The following MTHFD1L variants were observed in gnomAD, a reference collection of about 807,000 sequenced individuals.
MTHFD1L encodes the protein methylenetetrahydrofolate dehydrogenase (NADP+ dependent) 1 like.
In MTHFD1L, 81 loss-of-function variants were observed where a neutral mutation model predicts 119.5. The ratio of observed to expected loss-of-function variants is 0.68; its 90% CI spans 0.57 to 0.82. The LOEUF is 0.82. Among genes scored for constraint, MTHFD1L ranks in the 40% least tolerant of loss-of-function variants. MTHFD1L has a pLI of 0.00. For synonymous variants in MTHFD1L, 430 were observed against 475.2 expected (o/e 0.90, Z 1.24); for missense variants, 1,125 against 1,253.4 (o/e 0.90, Z 1.55).
intron 7 of MTHFD1L, among the ~76,000 whole-genome samples, chr6:150,889,758 G>A (rs570077139): frequency 6.6e-6 from 1 of 152,318 alleles, no homozygotes; most frequent in East Asian, 1.9e-4. Flanking sequence ...CTGGAGCTAT[G>A]GGAATTCATA....
At chr6:150,908,188 A>G (rs1786263473) in intron 8 of MTHFD1L, among the ~76,000 whole-genome samples, 1 of 151,288 alleles carries the variant, frequency 6.6e-6, no homozygotes, top group Non-Finnish European at 1.5e-5. Flanking sequence ...GATTACGGGC[A>G]TGAGCCACTG....
intron 26 of MTHFD1L, among the ~76,000 whole-genome samples, chr6:151,056,999 T>C (rs1007822300): frequency 2.0e-5 from 3 of 152,156 alleles, no homozygotes. Context: ...TTTTGGGGTT[T>C]TTTGCTTTTT....
intron 4 of MTHFD1L, among the ~76,000 whole-genome samples, chr6:150,879,587 T>C: frequency 6.7e-6 from 1 of 149,962 alleles, no homozygotes; most frequent in Non-Finnish European, 1.5e-5. Context: ...TGCGCCCAGC[T>C]GGAATTTGCT....
intron 26 of MTHFD1L, chr6:151,042,125 A>G (rs1787226136): frequency 4.4e-6 from 1 of 226,160 alleles, no homozygotes; most frequent in African/African-American, 2.3e-5. Flanking sequence ...AGCCCCCAGC[A>G]CAAGCATTCC....
At chr6:151,085,026 TACAC>T (rs571996419) in intron 26 of MTHFD1L, among the ~76,000 whole-genome samples, 12,687 of 143,250 alleles carry the variant, frequency 0.089, 853 homozygotes, top group African/African-American at 0.18. Flanking sequence ...TATATGTATA[TACAC>T]ACACACACAC....
chr6:151,043,446 CAA>C (rs1270178824), intron 26 of MTHFD1L, among the ~76,000 whole-genome samples: 1 of 151,524 alleles, frequency 6.6e-6, no homozygotes, highest in African/African-American at 2.4e-5. Flanking sequence ...TTGTATTTTT[CAA>C]AGAGACTGGG....
chr6:151,048,127 T>C (rs530661316), intron 26 of MTHFD1L, among the ~76,000 whole-genome samples: 3 of 152,278 alleles, frequency 2.0e-5, no homozygotes, highest in Admixed American at 2.0e-4. Flanking sequence ...CTGAAGATCA[T>C]AATTCATCAT....
chr6:150,889,154 G>A lies in MTHFD1L; in HGVS notation c.780+1173G>A, dbSNP rs572344646. ...ATCGTGCCACTGCACTCCAGCCTGC[G>A]CGACAGAGTGAGACTCCGTCTCAAA... On this transcript the variant is annotated intron_variant, in intron 7 of 27. Transcript: ENST00000367321. Among the ~76,000 whole-genome samples the A allele has an allele frequency of 4.7e-5, 7 of 148,482 alleles. No homozygotes were observed. In the East Asian group the frequency reaches 1.2e-3, roughly 25 times the overall value.
chr6:150,875,964 G>T lies in MTHFD1L; in HGVS notation c.228-126G>T. 6.8e-6 allele frequency: 5 copies of T among 737,426 alleles called. 1 individual carries two copies. In the South Asian group the frequency reaches 8.2e-5, roughly 12 times the overall value. The allele number at this position is 737,426 out of a possible 1,614,324, so 45.7% of individuals were successfully genotyped here. On this transcript the variant is annotated intron_variant, in intron 1 of 27. Coordinates refer to ENST00000367321, the MANE Select transcript of MTHFD1L (RefSeq NM_015440.5). Reference sequence around the variant, plus strand: ...CTACCCCCTCCACAGTGTACACTTGGAGTGCGTCCTTCTGTGGTCTAGTTA... The same window carrying T: ...CTACCCCCTCCACAGTGTACACTTGTAGTGCGTCCTTCTGTGGTCTAGTTA...
chr6:150,877,806 C>G lies in MTHFD1L; in HGVS notation c.397C>G (p.Pro133Ala), dbSNP rs745453249. 6.2e-6 allele frequency: 10 copies of G among 1,614,120 alleles called. No homozygotes were observed. The highest frequency in any genetic ancestry group is 8.5e-6 in the Non-Finnish European group (10 of 1,180,054). ...GLNITHICLP[P>A]DSSEAEIIDE... is the part of the protein sequence containing the mutation. ...GAACATCACTCACATTTGCCTCCCT[C>G]CAGATAGCAGTGAAGCCGAGGTAAT... The change falls in exon 4 of 28, where the codon CCA (proline) becomes GCA (alanine). Residue 133 changes from proline to alanine, a missense_variant. Physicochemically the swap from Pro to Ala is conservative, Grantham distance 27. Transcript: ENST00000367321.
At chr6:150,955,891 C>G (rs893033680) in intron 16 of MTHFD1L, 104 bp from the exon 17 acceptor site, 6 of 944,158 alleles carry the variant, frequency 6.4e-6, no homozygotes, top group Non-Finnish European at 8.5e-6. Context: ...CTGACCTTTT[C>G]TCTTTCACCC....
intron 26 of MTHFD1L, among the ~76,000 whole-genome samples, chr6:151,043,329 A>T (rs1470597053): frequency 1.6e-5 from 2 of 125,034 alleles, no homozygotes; most frequent in Admixed American, 1.1e-4. Context: ...CAGTAGCATG[A>T]TCTCGGCTCA....
chr6:150,999,671 G>A (rs1480324921), intron 20 of MTHFD1L, among the ~76,000 whole-genome samples: 1 of 151,874 alleles, frequency 6.6e-6, no homozygotes, highest in Non-Finnish European at 1.5e-5. Flanking sequence ...AATATTCATC[G>A]AAACATTTCT....
intron 11 of MTHFD1L, among the ~76,000 whole-genome samples, chr6:150,928,598 C>A (rs1790455698): frequency 6.7e-6 from 1 of 149,784 alleles, no homozygotes; most frequent in East Asian, 2.0e-4. Flanking sequence ...CTGGAGTGCA[C>A]TGGTGCGATT....
rs12662456 is a variant in MTHFD1L, at chr6:151,086,676, C to T, written c.2848-5791C>T. On this transcript the variant is annotated intron_variant, in intron 26 of 27. Coordinates refer to ENST00000367321, the MANE Select transcript of MTHFD1L (RefSeq NM_015440.5). ...CTAAGTAACTGGGACCACAATTGTG[C>T]ACCACCACACCTGGCTAATTTTTGT... 4.2e-3 allele frequency among the ~76,000 whole-genome samples: 639 copies of T among 152,010 alleles called. 10 individuals are homozygous for T. The highest frequency in any genetic ancestry group is 0.028 in the Admixed American group (434 of 15,260).
At chr6:150,927,041 T>G (rs1790117135) in intron 11 of MTHFD1L, among the ~76,000 whole-genome samples, 1 of 152,222 alleles carries the variant, frequency 6.6e-6, no homozygotes, top group South Asian at 2.1e-4. Flanking sequence ...ATACAAAGCT[T>G]CAGGCACAAA....
At chr6:150,959,263 A>G (rs551113269) in intron 17 of MTHFD1L, 2 of 924,572 alleles carry the variant, frequency 2.2e-6, no homozygotes, top group Admixed American at 1.2e-4. Context: ...GGAAATGGAT[A>G]ATAAAATGTC....
rs1207496975 is a variant in MTHFD1L at position 150,877,650 on chromosome 6, T to C, written c.329T>C (p.Leu110Ser). The change falls in exon 3 of 28, where the codon TTG becomes TCG. Residue 110 changes from leucine (L) to serine (S), a missense_variant. This residue lies in a region of MTHFD1L where 1,058 missense variants were observed against 1,151.2 expected (regional missense o/e 0.92). Transcript: ENST00000367321. ...LAIIQAGDDNLMQEINQNLAE... is the reference protein window; with the variant it reads ...LAIIQAGDDNSMQEINQNLAE... Reference sequence around the variant, plus strand: ...CTTCCTAAGGCAGGTGACGACAACTTGATGCAGGAAATCAACCAGAATTTG... The same window carrying C: ...CTTCCTAAGGCAGGTGACGACAACTCGATGCAGGAAATCAACCAGAATTTG... 5 of 1,614,090 alleles carry C rather than the reference T, an allele frequency of 3.1e-6. No individual in the cohort carries two copies. In the Admixed American group the frequency reaches 8.3e-5, roughly 27 times the overall value.
intron 1 of MTHFD1L, chr6:150,866,620 TC>T: frequency 8.3e-7 from 1 of 1,210,772 alleles, no homozygotes. Context: ...CGTCCGCTTT[TC>T]CCGGAACGGC....
Sources: allele counts gnomAD v4.1 joint callset (sites outside exome capture counted in the v4.1 genomes callset), GRCh38; gene constraint gnomAD v4.1.1; regional missense constraint gnomAD v4.1.1; transcripts MANE v1.5; gene names NCBI Gene and HGNC (gene_info 2026-07-23, HGNC 2026-07-21).